The following ADGRL2 variants were observed in gnomAD, a reference collection of about 807,000 sequenced individuals.
ADGRL2 encodes the protein adhesion G protein-coupled receptor L2, also known as calcium-independent alpha-latrotoxin receptor 2.
Under a neutral mutation model 157.4 loss-of-function variants are expected in ADGRL2, and 44 were observed. The observed-to-expected ratio is 0.28, with a 90% confidence interval of 0.22 to 0.36. The LOEUF (loss-of-function observed/expected upper bound fraction) is 0.36. Among genes scored for constraint, ADGRL2 ranks in the 10% least tolerant of loss-of-function variants. The probability of loss-of-function intolerance (pLI) is 1.00; values close to 1 mark genes in which losing one functional copy is unlikely to be tolerated. For synonymous variants in ADGRL2, 585 were observed against 624.7 expected, an observed-to-expected ratio of 0.94 and a Z score of 0.95; for missense variants, 1,510 against 1,768.9, an observed-to-expected ratio of 0.85 and a Z score of 2.63.
intron 2 of ADGRL2, among the ~76,000 whole-genome samples, chr1:81,838,405 A>G (rs886853488): frequency 2.6e-4 from 39 of 152,166 alleles, no homozygotes; most frequent in African/African-American, 8.7e-4. Context: ...TTTTATTTTC[A>G]GATGACATTG....
chr1:81,407,018 C>A (rs978618295), intron 1 of ADGRL2, among the ~76,000 whole-genome samples: 1 of 152,070 alleles, frequency 6.6e-6, no homozygotes, highest in African/African-American at 2.4e-5. Flanking sequence ...GGGTTGAGCT[C>A]CTTATTCCTC....
chr1:81,904,878 G>A (rs1452842652), intron 2 of ADGRL2, among the ~76,000 whole-genome samples: 1 of 152,052 alleles, frequency 6.6e-6, no homozygotes, highest in African/African-American at 2.4e-5. Context: ...CGGGGTGGGG[G>A]CAGGGGGAAA....
At chr1:81,765,295 C>T (rs1375174756) in intron 2 of ADGRL2, among the ~76,000 whole-genome samples, 7 of 151,776 alleles carry the variant, frequency 4.6e-5, no homozygotes, top group African/African-American at 7.2e-5. Context: ...TGCATGTACT[C>T]GGTAAACTCT....
chr1:81,451,427 G>A (rs536161657), intron 2 of ADGRL2, among the ~76,000 whole-genome samples: 3 of 152,296 alleles, frequency 2.0e-5, no homozygotes, highest in African/African-American at 7.2e-5. Flanking sequence ...AACATATGAA[G>A]AAGCAAATGA....
chr1:81,796,983 G>C (rs1371606628), upstream of ADGRL2, among the ~76,000 whole-genome samples: 4 of 152,098 alleles, frequency 2.6e-5, no homozygotes, highest in East Asian at 7.7e-4. Context: ...AATGAGTTTT[G>C]ATTTCTTTTC....
At chr1:81,767,764 C>T (rs1181973768) in intron 2 of ADGRL2, among the ~76,000 whole-genome samples, 2 of 148,374 alleles carry the variant, frequency 1.3e-5, no homozygotes, top group South Asian at 2.1e-4. Context: ...CCCAGCTACC[C>T]GGGAGGCTGA....
At chr1:81,842,142 G>C (rs1285822681) in intron 2 of ADGRL2, among the ~76,000 whole-genome samples, 1 of 151,998 alleles carries the variant, frequency 6.6e-6, no homozygotes, top group African/African-American at 2.4e-5. Context: ...TGTGGTGAGG[G>C]TAGGGGTGCA....
intron 3 of ADGRL2, among the ~76,000 whole-genome samples, chr1:81,599,671 T>A (rs10782765): frequency 0.7 from 106,473 of 151,802 alleles, 37,504 homozygotes; most frequent in Admixed American, 0.76. Context: ...TAATTTTTTT[T>A]AAAAAATTCA....
intron 2 of ADGRL2, among the ~76,000 whole-genome samples, chr1:81,571,447 ACACAC>A (rs1338567801): frequency 1.3e-5 from 2 of 148,942 alleles, no homozygotes; most frequent in East Asian, 3.9e-4. Flanking sequence ...ATATATATAC[ACACAC>A]ATATATATAT....
intron 11 of ADGRL2, among the ~76,000 whole-genome samples, chr1:81,962,265 C>T (rs991498568): frequency 6.6e-6 from 1 of 151,956 alleles, no homozygotes; most frequent in African/African-American, 2.4e-5. Context: ...TTACAATTTC[C>T]GTGATTGCTT....
intron 3 of ADGRL2, among the ~76,000 whole-genome samples, chr1:81,668,675 A>G (rs1570782439): frequency 6.6e-6 from 1 of 151,080 alleles, no homozygotes; most frequent in South Asian, 2.1e-4. Flanking sequence ...AGATTCTCCT[A>G]CCTCAGCCTC....
intron 1 of ADGRL2, among the ~76,000 whole-genome samples, chr1:81,378,979 A>G (rs1386462329): frequency 1.3e-5 from 2 of 152,148 alleles, no homozygotes; most frequent in Non-Finnish European, 2.9e-5. Flanking sequence ...TGATTGCCAT[A>G]TTTGTTAATA....
chr1:81,497,279 A>G (rs2078750822), intron 2 of ADGRL2, among the ~76,000 whole-genome samples: 1 of 152,222 alleles, frequency 6.6e-6, no homozygotes, highest in Non-Finnish European at 1.5e-5. Flanking sequence ...CATTTGCTCC[A>G]GGCGCTAGCG....
chr1:81,702,518 T>G (rs573614638), intron 1 of ADGRL2, among the ~76,000 whole-genome samples: 1 of 152,188 alleles, frequency 6.6e-6, no homozygotes, highest in South Asian at 2.1e-4. Flanking sequence ...CTTCATGATG[T>G]ACAACACAGT....
At chr1:81,786,317 C>T (rs1486369360) in intron 2 of ADGRL2, among the ~76,000 whole-genome samples, 3 of 152,166 alleles carry the variant, frequency 2.0e-5, no homozygotes, top group Admixed American at 2.0e-4. Flanking sequence ...ATGGCTCACG[C>T]CAATAATCCT....
At chr1:81,722,328 G>A in intron 1 of ADGRL2, 2 of 673,108 alleles carry the variant, frequency 3.0e-6, no homozygotes, top group Non-Finnish European at 5.4e-6. Context: ...CAGAGGAGAT[G>A]AGATCAGGCA....
At chr1:81,927,941 G>T (rs1195311511) in intron 3 of ADGRL2, among the ~76,000 whole-genome samples, 1 of 151,896 alleles carries the variant, frequency 6.6e-6, no homozygotes, top group East Asian at 1.9e-4. Flanking sequence ...AAAACTTTTT[G>T]AAAAGATTTG....
At chr1:81,836,518 GT>G (rs562728152) in intron 1 of ADGRL2, among the ~76,000 whole-genome samples, 13 of 152,078 alleles carry the variant, frequency 8.5e-5, no homozygotes, top group Non-Finnish European at 1.6e-4. Flanking sequence ...TACTCCTGAA[GT>G]TTTTGTACAC....
intron 1 of ADGRL2, among the ~76,000 whole-genome samples, chr1:81,760,944 T>C (rs941123235): frequency 6.6e-6 from 1 of 151,904 alleles, no homozygotes; most frequent in Admixed American, 6.6e-5. Context: ...TAGGGAGAAT[T>C]CCTGAATCAT....
Sources: allele counts gnomAD v4.1 joint callset (sites outside exome capture counted in the v4.1 genomes callset), GRCh38; gene constraint gnomAD v4.1.1; transcripts MANE v1.5; gene names NCBI Gene and HGNC (gene_info 2026-07-23, HGNC 2026-07-21).